Variants in HPSE2 observed in about 807,000 individuals in gnomAD.
The protein encoded by HPSE2 is inactive heparanase-2.
A neutral mutation model predicts 60.5 loss-of-function variants in HPSE2; 38 were observed. The observed-to-expected ratio is 0.63, with a 90% confidence interval of 0.48 to 0.82. HPSE2 has a LOEUF of 0.82. Ranked by LOEUF, HPSE2 falls within the 40% of genes least tolerant of loss-of-function variation. HPSE2 has a pLI of 0.00. For synonymous variants in HPSE2, 295 were observed against 293.2 expected, an observed-to-expected ratio of 1.01 and a Z score of -0.06; for missense variants, 713 against 740.4, an observed-to-expected ratio of 0.96 and a Z score of 0.43.
intron 10 of HPSE2, among the ~76,000 whole-genome samples, chr10:98,483,606 T>C (rs1941329361): frequency 6.6e-6 from 1 of 152,192 alleles, no homozygotes; most frequent in African/African-American, 2.4e-5. Context: ...CTTCCTGCCC[T>C]ACTAAGTGAT....
At chr10:98,844,867 C>A (rs1951999346) in intron 3 of HPSE2, among the ~76,000 whole-genome samples, 2 of 152,066 alleles carry the variant, frequency 1.3e-5, no homozygotes, top group African/African-American at 4.8e-5. Flanking sequence ...TTGAGAACAC[C>A]AAAATTCTAA....
rs373547196 is a variant in HPSE2, at chr10:99,182,513, A to G, written c.449-38114T>C. Reference sequence around the variant, plus strand: ...TCCCATGGGACACTTTTGTATGCTAAGCAGATATTCAAATATAAAAAGATC... The same window carrying G: ...TCCCATGGGACACTTTTGTATGCTAGGCAGATATTCAAATATAAAAAGATC... On this transcript the variant is annotated intron_variant, in intron 2 of 11. Coordinates refer to ENST00000370552, the MANE Select transcript of HPSE2 (RefSeq NM_021828.5). 6.6e-5 allele frequency among the ~76,000 whole-genome samples: 10 copies of G among 152,198 alleles called. No individual in the cohort carries two copies. The South Asian group carries it at 2.1e-3, about 31-fold the overall frequency.
intron 3 of HPSE2, among the ~76,000 whole-genome samples, chr10:99,031,604 T>C (rs774119547): frequency 2.0e-5 from 3 of 152,206 alleles, no homozygotes; most frequent in African/African-American, 7.2e-5. Flanking sequence ...GCTTGAACTT[T>C]CAGTACACTA....
At chr10:99,077,924 G>A (rs1013396192) in intron 3 of HPSE2, among the ~76,000 whole-genome samples, 2 of 152,106 alleles carry the variant, frequency 1.3e-5, no homozygotes, top group South Asian at 2.1e-4. Flanking sequence ...GATCCCTCAC[G>A]AGTGGCTTCA....
the HPSE2 span, among the ~76,000 whole-genome samples, chr10:99,301,765 T>A: frequency 6.6e-6 from 1 of 152,068 alleles, no homozygotes; most frequent in South Asian, 2.1e-4. Flanking sequence ...AAGTTTACCT[T>A]TGGACAACAA....
chr10:98,989,148 A>G (rs1956455012), intron 3 of HPSE2, among the ~76,000 whole-genome samples: 2 of 152,182 alleles, frequency 1.3e-5, no homozygotes, highest in Non-Finnish European at 2.9e-5. Context: ...ATTACTGGGT[A>G]TATATCCAAA....
At chr10:98,564,584 A>G (rs1944285438) in intron 9 of HPSE2, among the ~76,000 whole-genome samples, 1 of 152,214 alleles carries the variant, frequency 6.6e-6, no homozygotes, top group Non-Finnish European at 1.5e-5. Context: ...CATATCCACT[A>G]GTTCACAGCA....
intron 2 of HPSE2, among the ~76,000 whole-genome samples, chr10:99,195,846 TA>T (rs35111021): frequency 2.4e-3 from 362 of 149,452 alleles, no homozygotes; most frequent in Non-Finnish European, 3.8e-3. Flanking sequence ...TTCACCAAAA[TA>T]AAAAAAAAAT....
At chr10:98,778,253 T>TGAGAGAGAGAGAGA (rs1589811556) in intron 3 of HPSE2, among the ~76,000 whole-genome samples, 4 of 23,942 alleles carry the variant, frequency 1.7e-4, no homozygotes, top group Non-Finnish European at 3.4e-4. Context: ...GGATGCTCAG[T>TGAGAGAGAGAGAGA]GAGAGAGAGA....
At chr10:98,534,162 C>A (rs950589990) in intron 9 of HPSE2, among the ~76,000 whole-genome samples, 4 of 152,220 alleles carry the variant, frequency 2.6e-5, no homozygotes, top group African/African-American at 9.6e-5. Flanking sequence ...CTCTGAAGAT[C>A]TGACAACTAC....
At chr10:98,827,177 C>A in intron 3 of HPSE2, among the ~76,000 whole-genome samples, 1 of 151,400 alleles carries the variant, frequency 6.6e-6, no homozygotes, top group East Asian at 2.0e-4. Flanking sequence ...TTTAAAAAAC[C>A]AAAGCTAAAT....
At chr10:98,824,933 C>T (rs1951508304) in intron 3 of HPSE2, among the ~76,000 whole-genome samples, 2 of 152,312 alleles carry the variant, frequency 1.3e-5, no homozygotes, top group Middle Eastern at 3.4e-3. Context: ...ACATGTCCTT[C>T]CTTCCTCCTT....
intron 3 of HPSE2, among the ~76,000 whole-genome samples, chr10:98,856,590 A>G (rs1260889508): frequency 3.3e-5 from 5 of 152,196 alleles, no homozygotes; most frequent in African/African-American, 1.2e-4. Flanking sequence ...AAGAATTGTT[A>G]ACCTAGAATT....
chr10:99,278,667 T>C, the HPSE2 span, among the ~76,000 whole-genome samples: 1 of 152,336 alleles, frequency 6.6e-6, no homozygotes, highest in African/African-American at 2.4e-5. Context: ...CTAGCATTCA[T>C]GGCCACAGAA....
chr10:99,016,823 G>T (rs551409217), intron 3 of HPSE2, among the ~76,000 whole-genome samples: 36 of 152,044 alleles, frequency 2.4e-4, no homozygotes, highest in Admixed American at 2.2e-3. Context: ...TCCTGACTTG[G>T]CTCTCAGCTT....
At chr10:98,845,855 G>A (rs1303919288) in intron 3 of HPSE2, among the ~76,000 whole-genome samples, 1 of 152,204 alleles carries the variant, frequency 6.6e-6, no homozygotes, top group African/African-American at 2.4e-5. Flanking sequence ...TAGAGCACAA[G>A]CTCCTACTGA....
At chr10:99,239,174 T>G (rs1482559604), upstream of HPSE2, among the ~76,000 whole-genome samples, 1 of 151,742 alleles carries the variant, frequency 6.6e-6, no homozygotes, top group Non-Finnish European at 1.5e-5. Flanking sequence ...AAATAAAAAG[T>G]AAAATTAAAA....
chr10:99,062,722 G>A (rs569494469), intron 3 of HPSE2, among the ~76,000 whole-genome samples: 2 of 152,246 alleles, frequency 1.3e-5, no homozygotes, highest in South Asian at 4.1e-4. Context: ...TAATATCTAA[G>A]ATGTGAGCCA....
chr10:99,100,059 G>C (rs1337613406), intron 3 of HPSE2, among the ~76,000 whole-genome samples: 1 of 152,154 alleles, frequency 6.6e-6, no homozygotes, highest in Non-Finnish European at 1.5e-5. Flanking sequence ...GAGCAGAAAA[G>C]CTGAAAATTC....
Sources: allele counts gnomAD v4.1 joint callset (sites outside exome capture counted in the v4.1 genomes callset), GRCh38; gene constraint gnomAD v4.1.1; transcripts MANE v1.5; gene names NCBI Gene and HGNC (gene_info 2026-07-23, HGNC 2026-07-21).